MRPL1: variants seen among roughly 807,000 people sequenced by gnomAD.
MRPL1 encodes large ribosomal subunit protein uL1m.
A neutral mutation model predicts 38.0 loss-of-function variants in MRPL1; 28 were observed. The observed-to-expected ratio is 0.74, with a 90% CI of 0.55 to 1.01. The LOEUF (loss-of-function observed/expected upper bound fraction) is 1.01. MRPL1 is among the 50% of genes least tolerant of loss of function. The pLI, the probability that MRPL1 is intolerant of heterozygous loss-of-function variation, is 0.00. For synonymous variants in MRPL1, 123 were observed against 126.7 expected (o/e 0.97, Z 0.20); for missense variants, 358 against 389.8 (o/e 0.92, Z 0.69).
Position 77,906,732 on chromosome 4 carries a change from T to TA in MRPL1, c.671-2527dup, listed in dbSNP as rs943387861. 5.8e-4 allele frequency among the ~76,000 whole-genome samples: 89 copies of TA among 152,204 alleles called. 1 individual carries two copies. The highest frequency in any genetic ancestry group is 2.0e-3 in the African/African-American group (81 of 41,532). On this transcript the variant is annotated intron_variant, in intron 6 of 8. Coordinates refer to ENST00000315567, the MANE Select transcript of MRPL1 (RefSeq NM_020236.4). ...GGCACTGTTCTTATGAAAACAAACG[T>TA]AAAAAAATATATTTAAGTAAAGAAA...
At chr4:77,901,896 G>A (rs1393128250) in intron 6 of MRPL1, among the ~76,000 whole-genome samples, 1 of 152,204 alleles carries the variant, frequency 6.6e-6, no homozygotes, top group Non-Finnish European at 1.5e-5. Flanking sequence ...AGCAAATGTT[G>A]TTTGGTGTTG....
At chr4:77,909,630 A>G (rs975586216) in intron 7 of MRPL1, among the ~76,000 whole-genome samples, 3 of 152,114 alleles carry the variant, frequency 2.0e-5, no homozygotes, top group Admixed American at 2.0e-4. Context: ...TATCTGTTGT[A>G]TGTATACACT....
chr4:77,905,309 C>T (rs1411005263), intron 6 of MRPL1, among the ~76,000 whole-genome samples: 1 of 151,786 alleles, frequency 6.6e-6, no homozygotes, highest in Non-Finnish European at 1.5e-5. Flanking sequence ...CCAGCCTGGC[C>T]AACCTGGTGA....
chr4:77,885,198 G>A, intron 3 of MRPL1, 58 bp from the exon 4 acceptor site: 1 of 1,223,428 alleles, frequency 8.2e-7, no homozygotes, highest in Non-Finnish European at 1.2e-6. Context: ...TTTATATAGA[G>A]TGTGTGAAAT....
intron 2 of MRPL1, among the ~76,000 whole-genome samples, chr4:77,876,206 C>T (rs1159658240): frequency 6.6e-6 from 1 of 152,164 alleles, no homozygotes; most frequent in East Asian, 1.9e-4. Flanking sequence ...CTGCTGACCT[C>T]AAGTGATCTG....
At chr4:77,883,130 T>C (rs937548216) in intron 2 of MRPL1, 112 bp from the exon 3 acceptor site, 14 of 711,630 alleles carry the variant, frequency 2.0e-5, no homozygotes, top group Admixed American at 3.5e-5. Flanking sequence ...TGCTTTTGAA[T>C]TAAAATATAA....
At chr4:77,873,692 A>AGGC (rs1194084910) in intron 2 of MRPL1, among the ~76,000 whole-genome samples, 4 of 152,214 alleles carry the variant, frequency 2.6e-5, no homozygotes, top group Admixed American at 2.6e-4. Flanking sequence ...AAGATGAACA[A>AGGC]GGCACACATT....
intron 2 of MRPL1, among the ~76,000 whole-genome samples, chr4:77,878,695 T>C (rs1735458383): frequency 6.6e-6 from 1 of 152,096 alleles, no homozygotes; most frequent in African/African-American, 2.4e-5. Flanking sequence ...CTGGCCAACA[T>C]GGTGAAACCT....
At chr4:77,938,548 G>A (rs1222081335) in intron 7 of MRPL1, among the ~76,000 whole-genome samples, 1 of 152,102 alleles carries the variant, frequency 6.6e-6, no homozygotes, top group Non-Finnish European at 1.5e-5. Context: ...TTGGCCACTG[G>A]TCTTACTTTT....
At chr4:77,943,159 A>C (rs531107249) in intron 7 of MRPL1, among the ~76,000 whole-genome samples, 2 of 152,242 alleles carry the variant, frequency 1.3e-5, no homozygotes, top group Admixed American at 1.3e-4. Flanking sequence ...ACTGGATGCA[A>C]AATTATTGGC....
intron 2 of MRPL1, among the ~76,000 whole-genome samples, 164 bp downstream of exon 2, chr4:77,872,019 A>G (rs1735291634): frequency 1.3e-5 from 2 of 152,234 alleles, no homozygotes; most frequent in Admixed American, 6.5e-5. Flanking sequence ...ACATAATAAT[A>G]CTTAACGTTT....
chr4:77,870,771 A>G (rs1380988812), intron 1 of MRPL1, among the ~76,000 whole-genome samples: 3 of 152,208 alleles, frequency 2.0e-5, no homozygotes, highest in Non-Finnish European at 4.4e-5. Flanking sequence ...ATAAAAACAT[A>G]TTTCTAATAT....
chr4:77,906,900 A>G, intron 6 of MRPL1: 1 of 910,018 alleles, frequency 1.1e-6, no homozygotes. Flanking sequence ...AAAACTTAGT[A>G]TTTTTTAGTA....
At chr4:77,915,747 T>C (rs1452729658) in intron 7 of MRPL1, among the ~76,000 whole-genome samples, 1 of 152,216 alleles carries the variant, frequency 6.6e-6, no homozygotes, top group Non-Finnish European at 1.5e-5. Context: ...ACCATTTGTA[T>C]CTGTAACTTA....
At position 77,862,836 on chromosome 4, in the gene MRPL1, C is replaced by G. The variant is rs1227539997; in HGVS notation, c.-13C>G. 6.2e-7 allele frequency: 1 copy of G among 1,614,034 alleles called. No individual in the cohort carries two copies. The highest frequency in any genetic ancestry group is 1.3e-5 in the African/African-American group (1 of 75,022). ...TAGGAACAATTTCGTGAACGCAATC[C>G]GGAGTGCCCAACATGGCGGCGGCCG... On this transcript the variant is annotated 5_prime_UTR_variant, in exon 1 of 9. Transcript: ENST00000315567.
At position 77,883,459 on chromosome 4, in the gene MRPL1, G is replaced by A. The variant is rs2110235275; in HGVS notation, c.361G>A (p.Val121Ile). ...TGACTTTACTAGTCCAAAGCAAAGTGTTTATCTTGATTTGACACTGGATAT... is the reference window on the plus strand; with the variant it reads ...TGACTTTACTAGTCCAAAGCAAAGTATTTATCTTGATTTGACACTGGATAT... ...ILDFTSPKQS[V>I]YLDLTLDMAL... The change falls in exon 3 of 9, where the codon GTT (valine) becomes ATT (isoleucine). Residue 121 changes from valine to isoleucine, a missense_variant. By Grantham distance (29) the Val-to-Ile change is conservative (BLOSUM62 3). Transcript: ENST00000315567. 1 of 1,613,692 alleles carries A rather than the reference G, an allele frequency of 6.2e-7. No individual in the cohort carries two copies. Among genetic ancestry groups the A allele is most frequent in the East Asian group, 2.2e-5 (1 of 44,820 alleles).
At chr4:77,883,537 C>T in intron 3 of MRPL1, 37 bp downstream of exon 3, 1 of 1,521,760 alleles carries the variant, frequency 6.6e-7, no homozygotes, top group South Asian at 1.3e-5. Context: ...TACCTGTGAA[C>T]AGTGGCTGTA....
chr4:77,865,782 C>T (rs1735126180), intron 1 of MRPL1, among the ~76,000 whole-genome samples: 1 of 152,188 alleles, frequency 6.6e-6, no homozygotes, highest in Admixed American at 6.5e-5. Flanking sequence ...TACCTTGTTC[C>T]CACCTGCTAC....
chr4:77,948,173 C>G (rs1456393799), intron 7 of MRPL1, among the ~76,000 whole-genome samples: 1 of 152,066 alleles, frequency 6.6e-6, no homozygotes, highest in Non-Finnish European at 1.5e-5. Flanking sequence ...TTTTCTTTAT[C>G]TCTTTTCCAA....
Sources: gnomAD v4.1 joint callset for allele counts (sites outside exome capture counted in the v4.1 genomes callset) on GRCh38, gnomAD v4.1.1 for gene constraint, MANE v1.5 for transcripts, NCBI Gene and HGNC (gene_info 2026-07-23, HGNC 2026-07-21) for gene names.